Variants in TOM1L2 observed in about 807,000 individuals in gnomAD.
The protein encoded by TOM1L2 is TOM1-like protein 2.
TOM1L2 carries 31 observed loss-of-function variants against 67.9 expected under a neutral mutation model. The ratio of observed to expected loss-of-function variants is 0.46; its 90% confidence interval spans 0.34 to 0.62. The LOEUF (loss-of-function observed/expected upper bound fraction) is 0.62, where lower values mean the gene tolerates loss of function less well. Ranked by LOEUF, TOM1L2 falls within the 20% of genes least tolerant of loss-of-function variation. TOM1L2 has a pLI of 0.01. For missense variants in TOM1L2, 606 were observed against 663.5 expected (o/e 0.91, Z 0.95); for synonymous variants, 256 against 254.0 (o/e 1.01, Z -0.07).
chr17:17,916,032 A>G (rs2039614394), intron 1 of TOM1L2, among the ~76,000 whole-genome samples: 1 of 151,532 alleles, frequency 6.6e-6, no homozygotes, highest in Admixed American at 6.6e-5. Context: ...CATATCTCAG[A>G]AATCTTTGCT....
chr17:17,865,722 A>C (rs1035806551), intron 10 of TOM1L2, among the ~76,000 whole-genome samples: 3 of 149,518 alleles, frequency 2.0e-5, no homozygotes, highest in African/African-American at 7.4e-5. Flanking sequence ...GTTCCATATA[A>C]AACATGGCAG....
chr17:17,900,365 C>CA (rs1033853812), intron 2 of TOM1L2, among the ~76,000 whole-genome samples: 3 of 150,904 alleles, frequency 2.0e-5, no homozygotes, highest in African/African-American at 7.3e-5. Context: ...ACTAAAAATA[C>CA]AAAAAAATTA....
At chr17:17,883,411 G>A (rs1568159909) in intron 5 of TOM1L2, among the ~76,000 whole-genome samples, 1 of 152,210 alleles carries the variant, frequency 6.6e-6, no homozygotes, top group Non-Finnish European at 1.5e-5. Flanking sequence ...GTGGTCTGGA[G>A]GGATCATGAT....
chr17:17,961,871 C>CAAAA (rs530184569), intron 1 of TOM1L2, among the ~76,000 whole-genome samples: 1 of 115,378 alleles, frequency 8.7e-6, no homozygotes, highest in African/African-American at 3.1e-5. Flanking sequence ...GACTCCGTCT[C>CAAAA]AAAAAAAAAA....
chr17:17,956,402 C>T lies in TOM1L2; in HGVS notation c.52+15860G>A, dbSNP rs562060317. The stretch of plus-strand genomic sequence containing the variant: ...AGCTAGACATAAAGGTTCTCTAAGT[C>T]CTCACTAGACTCAGAAACCCAGCTG... On this transcript the variant is annotated intron_variant, in intron 1 of 14. Coordinates refer to ENST00000379504, the MANE Select transcript of TOM1L2 (RefSeq NM_001082968.2). Among the ~76,000 whole-genome samples the T allele has an allele frequency of 8.1e-4, 124 of 152,240 alleles. 1 individual carries two copies. Among genetic ancestry groups the T allele is most frequent in the Non-Finnish European group, 2.4e-4 (16 of 68,034 alleles).
chr17:17,866,516 A>G, intron 9 of TOM1L2, 97 bp from the exon 10 acceptor site: 1 of 1,429,476 alleles, frequency 7.0e-7, no homozygotes, highest in Non-Finnish European at 9.3e-7. Context: ...CCAAGAAGAA[A>G]AGTATCAGCG....
intron 2 of TOM1L2, among the ~76,000 whole-genome samples, chr17:17,904,727 G>C (rs905632232): frequency 4.6e-5 from 7 of 152,116 alleles, no homozygotes; most frequent in Non-Finnish European, 1.0e-4. Context: ...CCGGATTCCA[G>C]ACCCTCCCGC....
chr17:17,856,955 T>C (rs56928492), intron 12 of TOM1L2, among the ~76,000 whole-genome samples: 4,045 of 152,328 alleles, frequency 0.027, 166 homozygotes, highest in African/African-American at 0.08. Context: ...TTCTACTGTG[T>C]TTATTTTTTT....
intron 1 of TOM1L2, among the ~76,000 whole-genome samples, chr17:17,960,808 G>A (rs751871997): frequency 3.9e-5 from 6 of 152,174 alleles, no homozygotes; most frequent in Non-Finnish European, 8.8e-5. Flanking sequence ...ACATAACCCA[G>A]TACCTAGTAA....
chr17:17,886,273 G>T (rs1357897597), intron 4 of TOM1L2, among the ~76,000 whole-genome samples: 2 of 152,238 alleles, frequency 1.3e-5, no homozygotes, highest in Non-Finnish European at 2.9e-5. Flanking sequence ...AGTACTGTCA[G>T]CCCGGCTTTC....
At chr17:17,940,905 T>C (rs1340842036) in intron 1 of TOM1L2, among the ~76,000 whole-genome samples, 1 of 152,206 alleles carries the variant, frequency 6.6e-6, no homozygotes, top group African/African-American at 2.4e-5. Context: ...AATGAGGTGA[T>C]TGGTTTTGCA....
chr17:17,858,292 G>T (rs898169506), intron 12 of TOM1L2: 4 of 156,238 alleles, frequency 2.6e-5, no homozygotes, highest in Non-Finnish European at 4.2e-5. Flanking sequence ...CTAAATTTAG[G>T]TGTATTATTG....
At position 17,875,033 on chromosome 17, in the gene TOM1L2, G is replaced by T. The variant is rs544480153; in HGVS notation, c.777+4594C>A. ...GCACTTTGAGAGGCCGAGGTTGGTGGATCACTTGAGGTCACGAGTTCAAGA... is the reference window on the plus strand; with the variant it reads ...GCACTTTGAGAGGCCGAGGTTGGTGTATCACTTGAGGTCACGAGTTCAAGA... On this transcript the variant is annotated intron_variant, in intron 7 of 14. Transcript: ENST00000379504. Among the ~76,000 whole-genome samples, 3 of 152,246 alleles carry T rather than the reference G, an allele frequency of 2.0e-5. No individual in the cohort carries two copies. The East Asian group carries it at 5.8e-4, about 29-fold the overall frequency.
chr17:17,915,972 T>C (rs939091946), intron 1 of TOM1L2, among the ~76,000 whole-genome samples: 3 of 152,122 alleles, frequency 2.0e-5, no homozygotes, highest in Non-Finnish European at 4.4e-5. Flanking sequence ...TTTTAAATTT[T>C]GATTGTCCCA....
At chr17:17,912,448 A>G (rs1219850429) in intron 1 of TOM1L2, among the ~76,000 whole-genome samples, 2 of 146,992 alleles carry the variant, frequency 1.4e-5, no homozygotes, top group Non-Finnish European at 3.0e-5. Flanking sequence ...TGCCAGGCAG[A>G]GGGTCTCCTC....
chr17:17,889,319 G>A (rs2038154405), intron 4 of TOM1L2, among the ~76,000 whole-genome samples: 1 of 152,226 alleles, frequency 6.6e-6, no homozygotes, highest in South Asian at 2.1e-4. Context: ...AGGTGCCACT[G>A]GGTAGGCTGA....
intron 2 of TOM1L2, among the ~76,000 whole-genome samples, chr17:17,907,012 G>A (rs1332322576): frequency 2.0e-5 from 3 of 152,246 alleles, no homozygotes; most frequent in South Asian, 2.1e-4. Flanking sequence ...ACTCCCGGCC[G>A]TGTCTGCCCC....
intron 1 of TOM1L2, among the ~76,000 whole-genome samples, chr17:17,927,826 G>A: frequency 6.6e-6 from 1 of 151,976 alleles, no homozygotes; most frequent in Non-Finnish European, 1.5e-5. Flanking sequence ...CACCACACCT[G>A]GCTAATTTTT....
chr17:17,911,144 A>G (rs1347951499), intron 1 of TOM1L2, among the ~76,000 whole-genome samples: 1 of 152,222 alleles, frequency 6.6e-6, no homozygotes, highest in East Asian at 1.9e-4. Flanking sequence ...CAGAGCCAGC[A>G]CTATCACTGC....
Sources: allele counts gnomAD v4.1 joint callset (sites outside exome capture counted in the v4.1 genomes callset), GRCh38; gene constraint gnomAD v4.1.1; transcripts MANE v1.5; gene names NCBI Gene and HGNC (gene_info 2026-07-23, HGNC 2026-07-21).